The following UCHL5 variants were observed in gnomAD, a reference collection of about 807,000 sequenced individuals.
UCHL5 encodes the protein ubiquitin C-terminal hydrolase L5, also known as ubiquitin carboxyl-terminal hydrolase isozyme L5.
UCHL5 carries 34 observed loss-of-function variants against 53.8 expected under a neutral mutation model. That is an observed-to-expected ratio of 0.63 (90% CI 0.48 to 0.84). The LOEUF (loss-of-function observed/expected upper bound fraction) is 0.84. UCHL5 is among the 40% of genes least tolerant of loss of function. The probability of loss-of-function intolerance (pLI) is 0.00; values close to 1 mark genes in which losing one functional copy is unlikely to be tolerated. For missense variants in UCHL5, 290 were observed against 385.6 expected, an observed-to-expected ratio of 0.75 and a Z score of 2.08; for synonymous variants, 111 against 126.3, an observed-to-expected ratio of 0.88 and a Z score of 0.81.
At chr1:193,039,187 G>T (rs1239995966) in intron 3 of UCHL5, among the ~76,000 whole-genome samples, 2 of 152,062 alleles carry the variant, frequency 1.3e-5, no homozygotes, top group African/African-American at 4.8e-5. Context: ...GATCACTTGA[G>T]GCCAACCTGG....
intron 3 of UCHL5, among the ~76,000 whole-genome samples, chr1:193,049,089 G>A (rs1668228758): frequency 6.6e-6 from 1 of 152,042 alleles, no homozygotes; most frequent in Non-Finnish European, 1.5e-5. Context: ...ATAGAGACGG[G>A]TCTCTTCAGG....
At chr1:193,057,010 T>C (rs555792109) in intron 1 of UCHL5, among the ~76,000 whole-genome samples, 1 of 152,318 alleles carries the variant, frequency 6.6e-6, no homozygotes, top group South Asian at 2.1e-4. Context: ...ACATATGAAA[T>C]TGAAGGAGTA....
intron 9 of UCHL5, among the ~76,000 whole-genome samples, chr1:193,021,574 C>T (rs1427694126): frequency 6.6e-6 from 1 of 152,180 alleles, no homozygotes; most frequent in African/African-American, 2.4e-5. Flanking sequence ...CAAGCACAAT[C>T]TTTCCTTCAG....
At chr1:193,048,546 A>T (rs1266586281) in intron 3 of UCHL5, among the ~76,000 whole-genome samples, 1 of 152,238 alleles carries the variant, frequency 6.6e-6, no homozygotes, top group East Asian at 1.9e-4. Context: ...AACCTTTGAG[A>T]AAGCAATACT....
chr1:193,026,044 T>C (rs1461106200), intron 7 of UCHL5, among the ~76,000 whole-genome samples: 2 of 145,992 alleles, frequency 1.4e-5, no homozygotes, highest in Non-Finnish European at 1.5e-5. Flanking sequence ...GGAGGAAGGA[T>C]AGCCTTTTGA....
Position 193,049,856 on chromosome 1 carries a change from A to G in UCHL5, c.141-5T>C, listed in dbSNP as rs1395468572. 1 of 1,601,324 alleles carries G rather than the reference A, an allele frequency of 6.2e-7. No homozygotes were observed. Among genetic ancestry groups the G allele is most frequent in the Non-Finnish European group, 8.5e-7 (1 of 1,172,552 alleles). On this transcript the variant is annotated splice_polypyrimidine_tract_variant and splice_region_variant and intron_variant, in intron 2 of 10. Coordinates refer to ENST00000367454, the MANE Select transcript of UCHL5 (RefSeq NM_001199261.3). ...AAAATTAACCCATGAACTGGCCTACAAAATAAAATACAAATTAATGACATC... is the reference window on the plus strand; with the variant it reads ...AAAATTAACCCATGAACTGGCCTACGAAATAAAATACAAATTAATGACATC...
At chr1:193,058,200 C>T (rs971194179) in intron 1 of UCHL5, among the ~76,000 whole-genome samples, 1 of 151,908 alleles carries the variant, frequency 6.6e-6, no homozygotes, top group Non-Finnish European at 1.5e-5. Flanking sequence ...GCACTCCAGC[C>T]TGGGCGACAG....
chr1:193,053,933 T>C lies in UCHL5; in HGVS notation c.77-2116A>G, dbSNP rs184670406. 2.9e-4 allele frequency among the ~76,000 whole-genome samples: 44 copies of C among 150,618 alleles called. No individual in the cohort carries two copies. In the East Asian group the frequency reaches 8.0e-3, roughly 27 times the overall value. On this transcript the variant is annotated intron_variant, in intron 1 of 10. Coordinates refer to ENST00000367454, the MANE Select transcript of UCHL5 (RefSeq NM_001199261.3). ...AAGCACATACAATGCAAAAACTGTA[T>C]AGAATGTATAAATTACATATGAAGC...
At chr1:193,029,120 A>C in intron 6 of UCHL5, 59 bp downstream of exon 6, 1 of 1,581,176 alleles carries the variant, frequency 6.3e-7, no homozygotes, top group Non-Finnish European at 8.6e-7. Flanking sequence ...AATGAGGGTA[A>C]ATACCCAACA....
chr1:193,044,427 A>G (rs1666721487), intron 3 of UCHL5, among the ~76,000 whole-genome samples: 1 of 152,162 alleles, frequency 6.6e-6, no homozygotes, highest in Non-Finnish European at 1.5e-5. Context: ...TAACAAGACT[A>G]CAATATTTTG....
chr1:193,047,219 G>A (rs747554101), intron 3 of UCHL5, among the ~76,000 whole-genome samples: 31 of 152,042 alleles, frequency 2.0e-4, no homozygotes, highest in Non-Finnish European at 3.8e-4. Flanking sequence ...TATATATGTA[G>A]TATCTAAAAC....
intron 3 of UCHL5, among the ~76,000 whole-genome samples, chr1:193,033,915 G>A (rs1312554453): frequency 6.6e-6 from 1 of 152,168 alleles, no homozygotes; most frequent in Non-Finnish European, 1.5e-5. Flanking sequence ...AAATTAAGAT[G>A]TTTGATGTGC....
At chr1:193,054,123 G>A (rs574819792) in intron 1 of UCHL5, among the ~76,000 whole-genome samples, 2 of 151,992 alleles carry the variant, frequency 1.3e-5, no homozygotes, top group East Asian at 1.9e-4. Context: ...AAGCGAAAGC[G>A]GGTGCTAACG....
intron 7 of UCHL5, among the ~76,000 whole-genome samples, chr1:193,025,585 A>T (rs1050911639): frequency 6.6e-6 from 1 of 152,110 alleles, no homozygotes; most frequent in East Asian, 1.9e-4. Flanking sequence ...GGGCTAGAAC[A>T]CCCATCTCTG....
intron 3 of UCHL5, among the ~76,000 whole-genome samples, chr1:193,040,151 T>C (rs1012908038): frequency 6.6e-6 from 1 of 152,086 alleles, no homozygotes; most frequent in African/African-American, 2.4e-5. Context: ...TGAATAGGAT[T>C]ACATCAAACT....
At chr1:193,059,647 G>C (rs1385490350), upstream of UCHL5, 1 of 1,388,598 alleles carries the variant, frequency 7.2e-7, no homozygotes, top group Non-Finnish European at 9.6e-7. The surrounding 1 kb of genome is among the most constrained non-coding windows in gnomAD (Gnocchi z 4.9). Flanking sequence ...AATCCCCGGC[G>C]GCAGTGGGGC....
intron 3 of UCHL5, among the ~76,000 whole-genome samples, chr1:193,036,486 C>T (rs80315652): frequency 0.013 from 1,915 of 151,944 alleles, 39 homozygotes; most frequent in African/African-American, 0.043. Context: ...ACGCCTAACA[C>T]CTGAGTTCCC....
intron 3 of UCHL5, among the ~76,000 whole-genome samples, chr1:193,040,193 A>G (rs1665068786): frequency 6.6e-6 from 1 of 152,192 alleles, no homozygotes; most frequent in Non-Finnish European, 1.5e-5. Flanking sequence ...GGAACCAATC[A>G]ACAAAGTAAA....
At position 193,021,133 on chromosome 1, in the gene UCHL5, TA is replaced by T; in HGVS notation, c.905del (p.Leu302Ter). 1 of 1,610,706 alleles carries T rather than the reference TA, an allele frequency of 6.2e-7. No homozygotes were observed. ...LPFIMELLKT[L>X]AEHQQLIPLV... Reference sequence around the variant, plus strand: ...GTGGTATTAACTGCTGGTGTTCTGCTAAAGTCTTTAACAATTCCATAATGAA... The same window carrying T: ...GTGGTATTAACTGCTGGTGTTCTGCTAAGTCTTTAACAATTCCATAATGAA... On this transcript the variant is annotated frameshift_variant, in exon 10 of 11. Transcript: ENST00000367454. LOFTEE classifies it high-confidence loss of function.
Sources: allele counts gnomAD v4.1 joint callset (sites outside exome capture counted in the v4.1 genomes callset), GRCh38; gene constraint gnomAD v4.1.1; non-coding constraint Gnocchi (gnomAD v3.1); transcripts MANE v1.5; gene names NCBI Gene and HGNC (gene_info 2026-07-23, HGNC 2026-07-21).